Variants in RAB38 observed in about 807,000 individuals in gnomAD.
The protein encoded by RAB38 is ras-related protein Rab-38.
A neutral mutation model predicts 18.4 loss-of-function variants in RAB38; 15 were observed. The observed-to-expected ratio is 0.82, with a 90% CI of 0.55 to 1.26. The LOEUF is 1.26. Among genes scored for constraint, RAB38 ranks in the 50% most tolerant of loss-of-function variants. RAB38 has a pLI of 0.00. For missense variants in RAB38, 294 were observed against 267.4 expected (o/e 1.10, Z -0.69); for synonymous variants, 101 against 104.4 (o/e 0.97, Z 0.20).
chr11:87,865,140 G>C, the RAB38 span, among the ~76,000 whole-genome samples: 1 of 151,668 alleles, frequency 6.6e-6, no homozygotes, highest in Non-Finnish European at 1.5e-5. Flanking sequence ...GAAAAGGGAA[G>C]ATGAACTTGA....
chr11:88,010,743 A>T, the RAB38 span, among the ~76,000 whole-genome samples: 11 of 152,096 alleles, frequency 7.2e-5, no homozygotes, highest in African/African-American at 2.7e-4. Context: ...CTGTTTTATA[A>T]ATGGGGCAGT....
chr11:87,849,996 GT>G, the RAB38 span, among the ~76,000 whole-genome samples: 6 of 151,182 alleles, frequency 4.0e-5, no homozygotes, highest in African/African-American at 1.5e-4. Context: ...TGGCTGTTCT[GT>G]TAGCCTAATA....
the RAB38 span, among the ~76,000 whole-genome samples, chr11:87,960,605 G>T: frequency 6.6e-6 from 1 of 151,672 alleles, no homozygotes; most frequent in African/African-American, 2.4e-5. Flanking sequence ...GGAAACTGAG[G>T]TTACTTTCTT....
At chr11:87,868,666 G>A in the RAB38 span, among the ~76,000 whole-genome samples, 1 of 148,210 alleles carries the variant, frequency 6.7e-6, no homozygotes, top group Non-Finnish European at 1.5e-5. Context: ...TTGGAGGATA[G>A]ACACACAACT....
At chr11:87,819,833 C>T in the RAB38 span, among the ~76,000 whole-genome samples, 15 of 149,442 alleles carry the variant, frequency 1.0e-4, no homozygotes, top group East Asian at 1.8e-3. Context: ...TATTAGAATC[C>T]AGGCACTGAA....
the RAB38 span, among the ~76,000 whole-genome samples, chr11:87,911,089 G>A: frequency 1.3e-5 from 2 of 152,050 alleles, no homozygotes; most frequent in East Asian, 3.9e-4. Context: ...GACCATATAT[G>A]TGTAGATTAT....
chr11:88,165,580 A>C (rs1359893773), intron 1 of RAB38: 1 of 152,196 alleles, frequency 6.6e-6, no homozygotes, highest in African/African-American at 2.4e-5. Flanking sequence ...AAGGCTGATA[A>C]ACAAATTGAA....
At chr11:87,948,381 C>A in the RAB38 span, among the ~76,000 whole-genome samples, 23 of 152,156 alleles carry the variant, frequency 1.5e-4, no homozygotes, top group African/African-American at 4.3e-4. Flanking sequence ...ACTGAATACC[C>A]TTTATTTCCT....
chr11:88,143,110 C>T (rs776350078), intron 2 of RAB38, among the ~76,000 whole-genome samples: 1 of 152,192 alleles, frequency 6.6e-6, no homozygotes, highest in Non-Finnish European at 1.5e-5. Context: ...GTTCTGTCAG[C>T]ACATCTAGCT....
At chr11:88,016,334 G>C in the RAB38 span, among the ~76,000 whole-genome samples, 1 of 152,040 alleles carries the variant, frequency 6.6e-6, no homozygotes, top group African/African-American at 2.4e-5. Context: ...ATTTCAACAG[G>C]TTATAATGAG....
chr11:88,122,860 T>C (rs1490375478), intron 2 of RAB38, among the ~76,000 whole-genome samples: 3 of 152,236 alleles, frequency 2.0e-5, no homozygotes, highest in African/African-American at 4.8e-5. Context: ...TGGTACATCA[T>C]TGTCCCAAAT....
At chr11:88,081,401 A>C in the RAB38 span, among the ~76,000 whole-genome samples, 4 of 151,966 alleles carry the variant, frequency 2.6e-5, no homozygotes, top group African/African-American at 9.7e-5. Flanking sequence ...CAAACCTGAC[A>C]ACTTAAAACA....
At chr11:87,975,088 A>T in the RAB38 span, among the ~76,000 whole-genome samples, 2 of 151,370 alleles carry the variant, frequency 1.3e-5, no homozygotes, top group African/African-American at 2.4e-5. Context: ...TAGACACCTC[A>T]CTCCCATGTC....
chr11:88,161,047 AATCTT>A (rs1358130505), intron 1 of RAB38, among the ~76,000 whole-genome samples: 1 of 152,046 alleles, frequency 6.6e-6, no homozygotes, highest in African/African-American at 2.4e-5. Flanking sequence ...TCAAAAGGTA[AATCTT>A]ACCATTACTC....
At chr11:87,944,772 C>T in the RAB38 span, among the ~76,000 whole-genome samples, 1 of 152,132 alleles carries the variant, frequency 6.6e-6, no homozygotes, top group Non-Finnish European at 1.5e-5. Context: ...ACTTCTCACA[C>T]TTACGCAGCC....
rs1943376855 is a variant in RAB38, at chr11:88,175,389, G to A, written c.-5C>T. 3 of 1,613,926 alleles carry A rather than the reference G, an allele frequency of 1.9e-6. No homozygotes were observed. Among genetic ancestry groups the A allele is most frequent in the South Asian group, 2.2e-5 (2 of 91,090 alleles). Reference sequence around the variant, plus strand: ...CTCCTTGTGCGGGGCCTGCATCCTGGCGGCCGGCCAGACGTGCCGTGCCTG... The same window carrying A: ...CTCCTTGTGCGGGGCCTGCATCCTGACGGCCGGCCAGACGTGCCGTGCCTG... On this transcript the variant is annotated 5_prime_UTR_variant, in exon 1 of 3. Transcript: ENST00000243662.
At chr11:87,828,505 A>G in the RAB38 span, among the ~76,000 whole-genome samples, 1 of 152,186 alleles carries the variant, frequency 6.6e-6, no homozygotes, top group South Asian at 2.1e-4. Context: ...GCCATGAAAC[A>G]CATGCAATTA....
the RAB38 span, among the ~76,000 whole-genome samples, chr11:87,946,511 G>A: frequency 0.023 from 3,477 of 152,076 alleles, 136 homozygotes; most frequent in African/African-American, 0.08. Context: ...TTTAGCATTA[G>A]GCGTATCTCC....
At chr11:87,925,386 T>A in the RAB38 span, among the ~76,000 whole-genome samples, 73 of 152,212 alleles carry the variant, frequency 4.8e-4, no homozygotes, top group East Asian at 0.011. Flanking sequence ...GGCATTGTGC[T>A]AAGCATCTGT....
Sources: allele counts gnomAD v4.1 joint callset (sites outside exome capture counted in the v4.1 genomes callset), GRCh38; gene constraint gnomAD v4.1.1; transcripts MANE v1.5; gene names NCBI Gene and HGNC (gene_info 2026-07-23, HGNC 2026-07-21).